POU2AF3: variants seen among roughly 807,000 people sequenced by gnomAD.
POU2AF3 encodes the protein cancer susceptibility candidate 13.
chr11:111,298,827 C>CCCG, the POU2AF3 span: 13 of 631,556 alleles, frequency 2.1e-5, no homozygotes, highest in Non-Finnish European at 2.7e-5. Context: ...GTACCCCAGG[C>CCCG]CCCCGCCCGC....
At chr11:111,307,664 G>A in the POU2AF3 span, among the ~76,000 whole-genome samples, 1 of 152,226 alleles carries the variant, frequency 6.6e-6, no homozygotes, top group Non-Finnish European at 1.5e-5. Flanking sequence ...GCCTTTGCAT[G>A]ATCACCTGAT....
At chr11:111,307,979 C>G in the POU2AF3 span, 16 of 1,268,096 alleles carry the variant, frequency 1.3e-5, no homozygotes, top group Non-Finnish European at 1.7e-5. Context: ...CCCTCATTTT[C>G]TCACTCTGCA....
chr11:111,298,826 G>GGGGGGGGGGGCCCCC, the POU2AF3 span: 2 of 790,962 alleles, frequency 2.5e-6, no homozygotes, highest in Non-Finnish European at 3.4e-6. Context: ...CGTACCCCAG[G>GGGGGGGGGGGCCCCC]CCCCCGCCCG....
chr11:111,308,464 G>T, the POU2AF3 span: 1 of 1,517,724 alleles, frequency 6.6e-7, no homozygotes, highest in East Asian at 2.5e-5. Flanking sequence ...TCAGAACATG[G>T]CATGGGTATA....
chr11:111,304,933 C>T, the POU2AF3 span: 5 of 1,232,654 alleles, frequency 4.1e-6, no homozygotes, highest in African/African-American at 1.6e-5. Flanking sequence ...GACAGCGGTC[C>T]GGAGGCAGCA....
At chr11:111,298,783 C>A in the POU2AF3 span, 1 of 1,172,078 alleles carries the variant, frequency 8.5e-7, no homozygotes, top group Non-Finnish European at 1.1e-6. Flanking sequence ...AGGGCAGAGG[C>A]CCAGAGGCCG....
At chr11:111,303,401 T>C in the POU2AF3 span, among the ~76,000 whole-genome samples, 1 of 152,230 alleles carries the variant, frequency 6.6e-6, no homozygotes, top group Non-Finnish European at 1.5e-5. Context: ...TGAATTTTTG[T>C]GCTGTTTGAA....
the POU2AF3 span, chr11:111,308,220 C>T: frequency 1.3e-6 from 2 of 1,551,826 alleles, no homozygotes; most frequent in Non-Finnish European, 8.7e-7. Flanking sequence ...GAAGACCATT[C>T]CTACCAACAC....
the POU2AF3 span, chr11:111,299,637 C>T: frequency 1.6e-6 from 2 of 1,228,620 alleles, no homozygotes; most frequent in South Asian, 4.2e-5. Context: ...TCGGGAGCCC[C>T]GGACGGCTTT....
chr11:111,298,871 C>A, the POU2AF3 span: 1 of 1,100,576 alleles, frequency 9.1e-7, no homozygotes, highest in Non-Finnish European at 1.1e-6. Flanking sequence ...TCCTGAGACA[C>A]GCGGTGCGGA....
At chr11:111,301,569 AG>A in the POU2AF3 span, among the ~76,000 whole-genome samples, 15 of 152,254 alleles carry the variant, frequency 9.9e-5, no homozygotes, top group African/African-American at 3.4e-4. Flanking sequence ...TTGAAATGGG[AG>A]GGGGCAAATG....
At chr11:111,308,571 T>TG in the POU2AF3 span, 1 of 976,744 alleles carries the variant, frequency 1.0e-6, no homozygotes, top group Non-Finnish European at 1.5e-6. Flanking sequence ...TCCAATTTTC[T>TG]GATGCTAAGC....
chr11:111,304,778 GA>G, the POU2AF3 span: 5,105 of 329,768 alleles, frequency 0.015, no homozygotes, highest in East Asian at 0.029. Flanking sequence ...GTCAAACATT[GA>G]AAAAAAAAAA....
At chr11:111,308,260 C>G in the POU2AF3 span, 4 of 1,551,696 alleles carry the variant, frequency 2.6e-6, no homozygotes, top group East Asian at 9.8e-5. Flanking sequence ...ACAGCTGCTT[C>G]TCCTCGGCCA....
the POU2AF3 span, chr11:111,306,601 C>T: frequency 6.4e-7 from 1 of 1,551,680 alleles, no homozygotes; most frequent in South Asian, 1.2e-5. Context: ...CAGGCCACCC[C>T]TTTCTGCTTT....
chr11:111,306,811 T>G, the POU2AF3 span, among the ~76,000 whole-genome samples: 2 of 152,170 alleles, frequency 1.3e-5, no homozygotes. Flanking sequence ...GGCATAAACC[T>G]TTGGATACAC....
chr11:111,299,457 CG>C, the POU2AF3 span: 20 of 1,067,800 alleles, frequency 1.9e-5, no homozygotes, highest in Non-Finnish European at 2.3e-5. Context: ...TGCGGCTTTT[CG>C]GGGCCCGGGG....
the POU2AF3 span, among the ~76,000 whole-genome samples, chr11:111,302,644 G>A: frequency 6.6e-6 from 1 of 152,292 alleles, no homozygotes; most frequent in South Asian, 2.1e-4. Context: ...ATTCCCTCCT[G>A]AGAAATAAAG....
the POU2AF3 span, chr11:111,300,655 A>T: frequency 8.7e-7 from 1 of 1,147,934 alleles, no homozygotes; most frequent in African/African-American, 1.6e-5. Context: ...TCCCCAGCCC[A>T]TGCCAGGCCT....
Sources: allele counts gnomAD v4.1 joint callset (sites outside exome capture counted in the v4.1 genomes callset), GRCh38; gene constraint gnomAD v4.1.1; transcripts MANE v1.5; gene names NCBI Gene and HGNC (gene_info 2026-07-23, HGNC 2026-07-21).